SHROOM2: variants seen among roughly 807,000 people sequenced by gnomAD.
The protein encoded by SHROOM2 is shroom family member 2, also known as protein Shroom2.
A neutral mutation model predicts 75.9 loss-of-function variants in SHROOM2; 33 were observed. The ratio of observed to expected loss-of-function variants is 0.43; its 90% CI spans 0.33 to 0.58. The LOEUF is 0.58. SHROOM2 is among the 20% of genes least tolerant of loss of function. The pLI, the probability that SHROOM2 is intolerant of heterozygous loss-of-function variation, is 0.04. For synonymous variants in SHROOM2, 655 were observed against 663.6 expected, an observed-to-expected ratio of 0.99 and a Z score of 0.20; for missense variants, 1,434 against 1,461.2, an observed-to-expected ratio of 0.98 and a Z score of 0.30.
intron 1 of SHROOM2, among the ~76,000 whole-genome samples, chrX:9,828,855 G>A (rs753248171): frequency 8.9e-6 from 1 of 111,971 alleles, no homozygotes; most frequent in South Asian, 3.7e-4. Flanking sequence ...TTTTGAACAG[G>A]CAAATGACAC....
At chrX:9,892,409 A>G (rs979486742) in intron 3 of SHROOM2, among the ~76,000 whole-genome samples, 10 of 101,103 alleles carry the variant, frequency 9.9e-5, no homozygotes, top group South Asian at 4.0e-4. Flanking sequence ...TTTTTTGGGG[A>G]AAAAAAAAAC....
At chrX:9,823,239 CTCT>C (rs1291800116) in intron 1 of SHROOM2, among the ~76,000 whole-genome samples, 1 of 96,369 alleles carries the variant, frequency 1.0e-5, no homozygotes, top group Non-Finnish European at 2.0e-5. Context: ...CCTCCTTCTT[CTCT>C]TCTTCTTCTT....
At position 9,873,789 on chromosome X, in the gene SHROOM2, G is replaced by A. The variant is rs755574980; in HGVS notation, c.303G>A (p.Lys101=). The change falls in exon 2 of 10, where the codon AAG becomes AAA. Residue 101 remains lysine, a synonymous_variant. Coordinates refer to ENST00000380913, the MANE Select transcript of SHROOM2 (RefSeq NM_001649.4). ...CLVKGSHKTL[K]LVVKRRSELG... Reference sequence around the variant, plus strand: ...TGAAGGGGTCCCATAAGACCCTGAAGCTGGTCGTCAAAAGGTAAGATCTGA... The same window carrying A: ...TGAAGGGGTCCCATAAGACCCTGAAACTGGTCGTCAAAAGGTAAGATCTGA... 9.1e-6 allele frequency: 11 copies of A among 1,209,261 alleles called. No homozygotes were observed. Among genetic ancestry groups the A allele is most frequent in the Non-Finnish European group, 1.2e-5 (11 of 895,053 alleles).
chrX:9,837,061 G>A (rs745628913), intron 1 of SHROOM2, among the ~76,000 whole-genome samples: 1 of 112,410 alleles, frequency 8.9e-6, no homozygotes, highest in East Asian at 2.8e-4. Context: ...ATTCCCTTCC[G>A]GTGCCAAGTG....
intron 3 of SHROOM2, among the ~76,000 whole-genome samples, chrX:9,893,322 G>C (rs2084304654): frequency 9.0e-6 from 1 of 111,228 alleles, no homozygotes; most frequent in Non-Finnish European, 1.9e-5. Context: ...GCTAAGTAAG[G>C]CTGGTCTCAA....
At chrX:9,841,923 G>T (rs965231824) in intron 1 of SHROOM2, among the ~76,000 whole-genome samples, 14 of 111,580 alleles carry the variant, frequency 1.3e-4, no homozygotes, top group African/African-American at 4.6e-4. Flanking sequence ...AGCTAGGTGT[G>T]GTAGTACATG....
rs745983022 is a variant in SHROOM2, at chrX:9,890,989, G to T, written c.330G>T (p.Leu110=). The change falls in exon 3 of 10, where the codon CTG becomes CTT. Residue 110 remains leucine (L), a synonymous_variant. Coordinates refer to ENST00000380913, the MANE Select transcript of SHROOM2 (RefSeq NM_001649.4). ...LKLVVKRRSE[L]GWRPHSWHAT... ...CGTTCTTTTCTAGGAGGAGCGAGCT[G>T]GGCTGGAGGCCTCACTCCTGGCATG... is the stretch of plus-strand genomic sequence containing the variant. 5 of 1,204,421 alleles carry T rather than the reference G, an allele frequency of 4.2e-6. No individual in the cohort carries two copies. The highest frequency in any genetic ancestry group is 5.6e-6 in the Non-Finnish European group (5 of 892,568).
chrX:9,939,458 A>G lies in SHROOM2; in HGVS notation c.4311+92A>G, dbSNP rs770370287. On this transcript the variant is annotated intron_variant, in intron 8 of 9. Coordinates refer to ENST00000380913, the MANE Select transcript of SHROOM2 (RefSeq NM_001649.4). ...CATCCTGCCCCAGCGCAGACCCTGC[A>G]CCACGTGTCCCAGGGCGTTTGTGTT... 5.2e-5 allele frequency: 42 copies of G among 806,044 alleles called. 1 individual carries two copies. The South Asian group carries it at 1.2e-3, about 23-fold the overall frequency. The allele number at this position is 806,044 out of a possible 1,213,427, so 66.4% of individuals were successfully genotyped here. A position where few individuals can be genotyped will look rare whatever the true frequency, so the allele number is the denominator to read the frequency against.
At chrX:9,856,024 CTT>C (rs35234850) in intron 1 of SHROOM2, among the ~76,000 whole-genome samples, 9 of 84,275 alleles carry the variant, frequency 1.1e-4, no homozygotes, top group Admixed American at 2.9e-4. Flanking sequence ...AGAATGTTTC[CTT>C]TTTTTTTTTT....
chrX:9,786,851 CT>C, intron 1 of SHROOM2, 141 bp downstream of exon 1: 1 of 408,390 alleles, frequency 2.4e-6, no homozygotes, highest in Non-Finnish European at 3.3e-6. Flanking sequence ...CCTGCCGGGC[CT>C]GGGCGCCGGG....
intron 2 of SHROOM2, among the ~76,000 whole-genome samples, chrX:9,875,944 A>G (rs2084198933): frequency 8.9e-6 from 1 of 112,626 alleles, no homozygotes; most frequent in Non-Finnish European, 1.9e-5. Flanking sequence ...AAGGAAAGCC[A>G]TGCCACAGGA....
At chrX:9,935,856 G>A (rs2084698808) in intron 6 of SHROOM2, among the ~76,000 whole-genome samples, 1 of 111,525 alleles carries the variant, frequency 9.0e-6, no homozygotes, top group Non-Finnish European at 1.9e-5. Flanking sequence ...TGTGGAGTTT[G>A]GCCTGTTTCT....
chrX:9,887,206 T>C (rs1160808217), intron 2 of SHROOM2, among the ~76,000 whole-genome samples: 2 of 112,787 alleles, frequency 1.8e-5, no homozygotes, highest in African/African-American at 6.4e-5. Flanking sequence ...GTCTCCCCGA[T>C]GTAACTGACC....
At position 9,896,604 on chromosome X, in the gene SHROOM2, A is replaced by G; in HGVS notation, c.2696A>G (p.Asp899Gly). 5.0e-6 allele frequency: 6 copies of G among 1,210,150 alleles called. No individual in the cohort carries two copies. The highest frequency in any genetic ancestry group is 6.7e-6 in the Non-Finnish European group (6 of 894,650). ...ARSSGRCHSA[D>G]DILDVSLDPQ... Reference sequence around the variant, plus strand: ...AGCTCTGGGCGCTGCCACTCAGCGGATGACATCCTGGATGTGAGCCTGGAC... The same window carrying G: ...AGCTCTGGGCGCTGCCACTCAGCGGGTGACATCCTGGATGTGAGCCTGGAC... The change falls in exon 4 of 10, where the codon GAT (aspartate) becomes GGT (glycine). Residue 899 changes from aspartate to glycine, a missense_variant. By Grantham distance (94) the Asp-to-Gly change is moderately conservative (BLOSUM62 -1). Transcript: ENST00000380913.
intron 1 of SHROOM2, among the ~76,000 whole-genome samples, chrX:9,834,052 G>A (rs1380230744): frequency 8.9e-6 from 1 of 112,589 alleles, no homozygotes; most frequent in Non-Finnish European, 1.9e-5. Flanking sequence ...ATGTCCAGAG[G>A]TATTTTTGGT....
intron 2 of SHROOM2, among the ~76,000 whole-genome samples, chrX:9,876,433 C>T (rs892058967): frequency 3.6e-5 from 4 of 112,097 alleles, no homozygotes; most frequent in Non-Finnish European, 5.6e-5. Context: ...AGCCAGAACA[C>T]GTATTCTTCT....
rs367727332 is a variant in SHROOM2 at position 9,895,735 on chromosome X, G to A, written c.1827G>A (p.Pro609=). Residue 609 remains proline (P), a synonymous_variant, in exon 4 of 10, where the codon CCG becomes CCA. Transcript: ENST00000380913. ...GTCCAGAGGACAGCGCCACCAGACC[G>A]CCACCGTTCGACGCCCACGTGGGCA... ...ESSPEDSATR[P]PPFDAHVGKP... 7.6e-5 allele frequency: 91 copies of A among 1,195,195 alleles called. No individual in the cohort carries two copies. In the Admixed American group the frequency reaches 1.2e-3, roughly 15 times the overall value.
chrX:9,897,551 T>G (rs1316464808), intron 4 of SHROOM2, among the ~76,000 whole-genome samples: 11 of 41,056 alleles, frequency 2.7e-4, no homozygotes, highest in African/African-American at 1.0e-3. Flanking sequence ...AGACCTTATC[T>G]CTACAAAAAA....
chrX:9,833,476 CTG>C (rs1402816450), intron 1 of SHROOM2, among the ~76,000 whole-genome samples: 2 of 111,226 alleles, frequency 1.8e-5, no homozygotes, highest in Non-Finnish European at 3.8e-5. Context: ...TTATGAATCA[CTG>C]TACACATTTT....
Sources: allele counts gnomAD v4.1 joint callset (sites outside exome capture counted in the v4.1 genomes callset), GRCh38; gene constraint gnomAD v4.1.1; transcripts MANE v1.5; gene names NCBI Gene and HGNC (gene_info 2026-07-23, HGNC 2026-07-21).